MDGA2: variants seen among roughly 807,000 people sequenced by gnomAD.
The protein encoded by MDGA2 is MAM domain-containing glycosylphosphatidylinositol anchor protein 2.
A neutral mutation model predicts 117.8 loss-of-function variants in MDGA2; 40 were observed. That is an observed-to-expected ratio of 0.34 (90% CI 0.26 to 0.44). MDGA2 has a LOEUF of 0.44. Ranked by LOEUF, MDGA2 falls within the 20% of genes least tolerant of loss-of-function variation. MDGA2 has a pLI of 1.00. For missense variants in MDGA2, 1,123 were observed against 1,250.6 expected, an observed-to-expected ratio of 0.90 and a Z score of 1.54; for synonymous variants, 452 against 439.0, an observed-to-expected ratio of 1.03 and a Z score of -0.37.
chr14:47,134,051 G>A (rs1387819611), intron 4 of MDGA2, among the ~76,000 whole-genome samples: 1 of 151,962 alleles, frequency 6.6e-6, no homozygotes, highest in Non-Finnish European at 1.5e-5. Flanking sequence ...GATATACATT[G>A]TAAAATAATC....
At chr14:47,059,372 T>C (rs1209128559) in intron 7 of MDGA2, 3 of 1,222,236 alleles carry the variant, frequency 2.5e-6, no homozygotes, top group South Asian at 1.3e-5. Context: ...TTATCTCCAA[T>C]AGTGTTACCT....
chr14:47,104,371 T>C (rs1880516844), intron 5 of MDGA2, among the ~76,000 whole-genome samples: 1 of 150,644 alleles, frequency 6.6e-6, no homozygotes, highest in Admixed American at 6.6e-5. Flanking sequence ...CCTTAACTGA[T>C]GACATTACCT....
chr14:47,209,912 G>T (rs1161882930), intron 3 of MDGA2, among the ~76,000 whole-genome samples: 1 of 152,108 alleles, frequency 6.6e-6, no homozygotes, highest in Non-Finnish European at 1.5e-5. Context: ...AGAAAATTTT[G>T]CTTAATAGGA....
At chr14:47,483,394 C>T (rs1034129901) in intron 1 of MDGA2, among the ~76,000 whole-genome samples, 3 of 152,044 alleles carry the variant, frequency 2.0e-5, no homozygotes, top group Admixed American at 6.5e-5. Context: ...AAACAATCAT[C>T]ATAATCATGA....
At chr14:47,609,614 T>C (rs982725047) in intron 1 of MDGA2, among the ~76,000 whole-genome samples, 6 of 151,082 alleles carry the variant, frequency 4.0e-5, no homozygotes, top group South Asian at 2.1e-4. Flanking sequence ...AGTAGTGGGA[T>C]TGCTGGATCA....
intron 10 of MDGA2, among the ~76,000 whole-genome samples, chr14:46,908,322 C>A (rs1883575929): frequency 6.6e-6 from 1 of 152,138 alleles, no homozygotes; most frequent in Admixed American, 6.6e-5. Context: ...CTTCTGCCAC[C>A]TCTCTCTTAG....
chr14:47,000,522 T>A (rs1193744209), intron 8 of MDGA2, among the ~76,000 whole-genome samples: 4 of 149,252 alleles, frequency 2.7e-5, no homozygotes, highest in African/African-American at 9.8e-5. Flanking sequence ...CATTGTTGGC[T>A]ATTATATCAT....
intron 10 of MDGA2, among the ~76,000 whole-genome samples, chr14:46,891,990 G>T (rs1294719090): frequency 6.6e-6 from 1 of 151,710 alleles, no homozygotes; most frequent in Non-Finnish European, 1.5e-5. Flanking sequence ...TCACAGTCAG[G>T]TTAACATACC....
At chr14:46,981,375 G>A (rs1054370828) in intron 8 of MDGA2, among the ~76,000 whole-genome samples, 3 of 151,996 alleles carry the variant, frequency 2.0e-5, no homozygotes, top group Non-Finnish European at 2.9e-5. Context: ...CTGCACTCCA[G>A]CCTGGGTGAC....
At chr14:47,160,345 C>T (rs1883580795) in intron 3 of MDGA2, among the ~76,000 whole-genome samples, 2 of 152,138 alleles carry the variant, frequency 1.3e-5, no homozygotes, top group South Asian at 4.1e-4. Context: ...TATTCTCAGG[C>T]ATCTATCTTG....
At chr14:46,999,907 C>G (rs552030687) in intron 8 of MDGA2, among the ~76,000 whole-genome samples, 1 of 152,076 alleles carries the variant, frequency 6.6e-6, no homozygotes, top group South Asian at 2.1e-4. Context: ...AAGGGGTTGG[C>G]TTTCACAAGA....
chr14:47,378,676 A>G (rs1891536797), intron 1 of MDGA2, among the ~76,000 whole-genome samples: 1 of 151,838 alleles, frequency 6.6e-6, no homozygotes. Context: ...AAAAAAGACT[A>G]AAAAAAATTG....
intron 1 of MDGA2, among the ~76,000 whole-genome samples, chr14:47,379,314 T>C (rs1475799924): frequency 6.6e-6 from 1 of 152,138 alleles, no homozygotes; most frequent in Non-Finnish European, 1.5e-5. Flanking sequence ...AACTAACGAA[T>C]GAGCAAAACA....
intron 9 of MDGA2, among the ~76,000 whole-genome samples, chr14:46,935,201 G>A (rs558767031): frequency 1.5e-4 from 23 of 152,206 alleles, no homozygotes; most frequent in African/African-American, 5.5e-4. Context: ...AATGATTAAT[G>A]TACATTATGC....
chr14:47,265,056 G>A (rs1887920258), intron 2 of MDGA2, among the ~76,000 whole-genome samples: 1 of 152,062 alleles, frequency 6.6e-6, no homozygotes, highest in African/African-American at 2.4e-5. Flanking sequence ...AAAACAAAAA[G>A]CTTCGATTTG....
chr14:46,897,491 T>A (rs2138434919), intron 10 of MDGA2, among the ~76,000 whole-genome samples: 3 of 152,270 alleles, frequency 2.0e-5, no homozygotes, highest in Admixed American at 2.0e-4. Flanking sequence ...GTAGATTGAT[T>A]CAGTCATTGA....
At chr14:47,351,011 A>C (rs1890865886) in intron 1 of MDGA2, among the ~76,000 whole-genome samples, 1 of 151,994 alleles carries the variant, frequency 6.6e-6, no homozygotes, top group Non-Finnish European at 1.5e-5. Flanking sequence ...TCCTGGATTC[A>C]AACGATTCTC....
chr14:46,873,194 T>C, intron 14 of MDGA2: 1 of 400,510 alleles, frequency 2.5e-6, no homozygotes, highest in East Asian at 4.2e-5. Context: ...ATTGATTGTC[T>C]ACCTGATTTA....
intron 1 of MDGA2, among the ~76,000 whole-genome samples, chr14:47,470,820 C>G (rs1893709290): frequency 6.6e-6 from 1 of 152,126 alleles, no homozygotes; most frequent in Non-Finnish European, 1.5e-5. Context: ...GTAGCTATTT[C>G]CAGTGGCCAA....
Sources: gnomAD v4.1 joint callset for allele counts (sites outside exome capture counted in the v4.1 genomes callset) on GRCh38, gnomAD v4.1.1 for gene constraint, MANE v1.5 for transcripts, NCBI Gene and HGNC (gene_info 2026-07-23, HGNC 2026-07-21) for gene names.